Variants in RTN1 observed in about 807,000 individuals in gnomAD.
RTN1 encodes reticulon-1.
RTN1 carries 25 observed loss-of-function variants against 65.5 expected under a neutral mutation model. The ratio of observed to expected loss-of-function variants is 0.38; its 90% CI spans 0.28 to 0.53. The LOEUF (loss-of-function observed/expected upper bound fraction) is 0.53. RTN1 is among the 20% of genes least tolerant of loss of function. The pLI is 0.79. For synonymous variants in RTN1, 471 were observed against 447.6 expected, an observed-to-expected ratio of 1.05 and a Z score of -0.66; for missense variants, 983 against 1,025.4, an observed-to-expected ratio of 0.96 and a Z score of 0.57.
intron 3 of RTN1, among the ~76,000 whole-genome samples, chr14:59,639,451 G>A (rs1882731423): frequency 6.6e-6 from 1 of 152,072 alleles, no homozygotes; most frequent in South Asian, 2.1e-4. Context: ...ATAAAATGAG[G>A]TATGCTTGTA....
At chr14:59,839,285 C>T (rs1283273529) in intron 1 of RTN1, among the ~76,000 whole-genome samples, 2 of 152,156 alleles carry the variant, frequency 1.3e-5, no homozygotes, top group Non-Finnish European at 2.9e-5. Flanking sequence ...TACAAAAATA[C>T]TTTTTGATTA....
At chr14:59,748,882 C>G (rs904600342) in intron 1 of RTN1, among the ~76,000 whole-genome samples, 8 of 151,766 alleles carry the variant, frequency 5.3e-5, no homozygotes, top group African/African-American at 1.9e-4. Context: ...CTCTGCCTCC[C>G]AGGTTCAAGC....
At chr14:59,615,980 A>G (rs1434059986) in intron 3 of RTN1, among the ~76,000 whole-genome samples, 4 of 152,146 alleles carry the variant, frequency 2.6e-5, no homozygotes, top group Non-Finnish European at 5.9e-5. Flanking sequence ...TGTGATAACC[A>G]GTATTTTAAA....
chr14:59,835,226 T>C (rs1369176132), intron 1 of RTN1, among the ~76,000 whole-genome samples: 1 of 151,748 alleles, frequency 6.6e-6, no homozygotes, highest in Non-Finnish European at 1.5e-5. Flanking sequence ...AAAATAATTA[T>C]GTGGAGTGAA....
intron 3 of RTN1, among the ~76,000 whole-genome samples, chr14:59,611,712 T>A (rs1881955700): frequency 6.6e-6 from 1 of 152,200 alleles, no homozygotes; most frequent in Non-Finnish European, 1.5e-5. Context: ...TTTGGGAGAC[T>A]TCTCCTCAAT....
chr14:59,745,704 T>A lies in RTN1; in HGVS notation c.1015+4A>T. On this transcript the variant is annotated splice_donor_region_variant and intron_variant, in intron 2 of 8. Transcript: ENST00000267484. Reference sequence around the variant, plus strand: ...CCTAAGTCAAGCAATAACAGGGCCTTTACCTGTTCCAGAAGATGGAGGGGT... The same window carrying A: ...CCTAAGTCAAGCAATAACAGGGCCTATACCTGTTCCAGAAGATGGAGGGGT... 6.3e-7 allele frequency: 1 copy of A among 1,592,732 alleles called. No homozygotes were observed. The highest frequency in any genetic ancestry group is 8.5e-7 in the Non-Finnish European group (1 of 1,171,650).
chr14:59,806,703 G>A (rs1192244822), intron 1 of RTN1, among the ~76,000 whole-genome samples: 1 of 152,142 alleles, frequency 6.6e-6, no homozygotes, highest in East Asian at 1.9e-4. Context: ...ACTTATAAGT[G>A]AGAACATGTA....
At chr14:59,608,531 G>A (rs989267681) in intron 3 of RTN1, among the ~76,000 whole-genome samples, 1 of 152,208 alleles carries the variant, frequency 6.6e-6, no homozygotes, top group Non-Finnish European at 1.5e-5. Context: ...GTGACATAAG[G>A]AATTTTTGCA....
intron 1 of RTN1, among the ~76,000 whole-genome samples, chr14:59,824,233 T>C (rs1886992099): frequency 6.6e-6 from 1 of 152,232 alleles, no homozygotes; most frequent in Non-Finnish European, 1.5e-5. Flanking sequence ...TTAAGTTTTA[T>C]GTATTCTAAT....
chr14:59,605,758 G>T (rs1881723407), intron 4 of RTN1: 2 of 343,274 alleles, frequency 5.8e-6, no homozygotes, highest in Admixed American at 4.7e-5. Flanking sequence ...CACAGCATGG[G>T]TGGGCTGAAA....
rs1044429690 is a variant in RTN1, at chr14:59,829,293, T to C, written c.241+41097A>G. On this transcript the variant is annotated intron_variant, in intron 1 of 8. Transcript: ENST00000267484. The surrounding 1 kb of genome is among the most constrained non-coding windows in gnomAD (Gnocchi z 4.3). ...CATGAGTATAATACAGGGAAAAACA[T>C]GCTGTTGCACAAAAGTGGGGGGAAT... Among the ~76,000 whole-genome samples, 1 of 152,190 alleles carries C rather than the reference T, an allele frequency of 6.6e-6. No individual in the cohort carries two copies. Among genetic ancestry groups the C allele is most frequent in the Non-Finnish European group, 1.5e-5 (1 of 68,034 alleles).
intron 1 of RTN1, among the ~76,000 whole-genome samples, chr14:59,784,819 C>T (rs533361720): frequency 3.3e-5 from 5 of 152,216 alleles, no homozygotes; most frequent in African/African-American, 1.2e-4. Context: ...ATTAACGACA[C>T]TTTTGCTTCT....
At chr14:59,711,076 T>C (rs2139457663) in intron 3 of RTN1, among the ~76,000 whole-genome samples, 1 of 152,324 alleles carries the variant, frequency 6.6e-6, no homozygotes, top group East Asian at 1.9e-4. Flanking sequence ...AACATAATAC[T>C]GCCTGTCTCT....
chr14:59,670,798 G>T (rs1883486032), intron 3 of RTN1, among the ~76,000 whole-genome samples: 1 of 152,310 alleles, frequency 6.6e-6, no homozygotes, highest in African/African-American at 2.4e-5. Context: ...GTGTCATGAT[G>T]GCTAGTATAT....
At chr14:59,772,698 C>T (rs1885981574) in intron 1 of RTN1, among the ~76,000 whole-genome samples, 1 of 152,052 alleles carries the variant, frequency 6.6e-6, no homozygotes, top group African/African-American at 2.4e-5. Flanking sequence ...ACTCATTCCC[C>T]AAGATGAACG....
chr14:59,815,194 C>T (rs886945040), intron 1 of RTN1, among the ~76,000 whole-genome samples: 6 of 152,186 alleles, frequency 3.9e-5, no homozygotes, highest in African/African-American at 1.4e-4. Flanking sequence ...GATGACCATC[C>T]TAATCACGCC....
chr14:59,630,782 G>A (rs1191796846), intron 3 of RTN1: 16 of 1,056,886 alleles, frequency 1.5e-5, no homozygotes, highest in Non-Finnish European at 5.7e-6. Flanking sequence ...GGCTGCCCAA[G>A]GGTGCTACCC....
rs117670362 is a variant in RTN1 at position 59,800,759 on chromosome 14, A to G, written c.242-54278T>C. On this transcript the variant is annotated intron_variant, in intron 1 of 8. Transcript: ENST00000267484. The stretch of plus-strand genomic sequence containing the variant: ...AACATTGTCAAGAGATAAAGCAATC[A>G]GTAGAATCAAACTCAGAGGTGACAC... 5.1e-3 allele frequency among the ~76,000 whole-genome samples: 772 copies of G among 152,360 alleles called. 21 individuals are homozygous for G. In the East Asian group the frequency reaches 0.057, roughly 11 times the overall value.
At chr14:59,856,595 G>C (rs1367730338) in intron 1 of RTN1, among the ~76,000 whole-genome samples, 1 of 152,164 alleles carries the variant, frequency 6.6e-6, no homozygotes, top group Admixed American at 6.5e-5. Flanking sequence ...AAACGCAGCA[G>C]ATCACCACTC....
Sources: allele counts gnomAD v4.1 joint callset (sites outside exome capture counted in the v4.1 genomes callset), GRCh38; gene constraint gnomAD v4.1.1; non-coding constraint Gnocchi (gnomAD v3.1); transcripts MANE v1.5; gene names NCBI Gene and HGNC (gene_info 2026-07-23, HGNC 2026-07-21).